SCAI: variants seen among roughly 807,000 people sequenced by gnomAD.
SCAI encodes the protein suppressor of cancer cell invasion.
Under a neutral mutation model 92.2 loss-of-function variants are expected in SCAI, and 24 were observed. That is an observed-to-expected ratio of 0.26 (90% CI 0.19 to 0.37). SCAI has a LOEUF of 0.37. Ranked by LOEUF, SCAI falls within the 10% of genes least tolerant of loss-of-function variation. The probability of loss-of-function intolerance (pLI) is 1.00; values close to 1 mark genes in which losing one functional copy is unlikely to be tolerated. For synonymous variants in SCAI, 261 were observed against 258.6 expected, an observed-to-expected ratio of 1.01 and a Z score of -0.09; for missense variants, 450 against 736.2, an observed-to-expected ratio of 0.61 and a Z score of 4.50.
intron 2 of SCAI, among the ~76,000 whole-genome samples, chr9:125,126,896 G>A (rs753414949): frequency 6.6e-6 from 1 of 152,178 alleles, no homozygotes; most frequent in Admixed American, 6.5e-5. Flanking sequence ...TCCCCAAGAT[G>A]ATAGTCCTAT....
chr9:125,124,249 GGAGA>G (rs895908479), intron 2 of SCAI, among the ~76,000 whole-genome samples: 2 of 152,124 alleles, frequency 1.3e-5, no homozygotes, highest in African/African-American at 4.8e-5. Context: ...AGAATCAACA[GGAGA>G]GAGACAGAGG....
At chr9:125,124,422 A>C (rs1415691941) in intron 2 of SCAI, among the ~76,000 whole-genome samples, 6 of 152,206 alleles carry the variant, frequency 3.9e-5, no homozygotes, top group African/African-American at 1.4e-4. Flanking sequence ...TCCAAGTCTA[A>C]AGGCCTGAGA....
chr9:124,972,576 C>A (rs1206982844), intron 15 of SCAI, among the ~76,000 whole-genome samples: 1 of 152,190 alleles, frequency 6.6e-6, no homozygotes, highest in African/African-American at 2.4e-5. Flanking sequence ...ATGACTCACA[C>A]TCTTACTTCT....
intron 3 of SCAI, among the ~76,000 whole-genome samples, chr9:125,032,064 A>G (rs1355293706): frequency 6.6e-6 from 1 of 151,548 alleles, no homozygotes; most frequent in Non-Finnish European, 1.5e-5. Context: ...CACTATTTTC[A>G]ATTAAGAAAA....
At chr9:125,073,092 A>ATTTTTTTTTTTTTTTTTTTTTTT (rs764858681) in intron 2 of SCAI, among the ~76,000 whole-genome samples, 2 of 72,448 alleles carry the variant, frequency 2.8e-5, no homozygotes, top group African/African-American at 5.4e-5. Flanking sequence ...TCTATTTTTA[A>ATTTTTTTTTTTTTTTTTTTTTTT]TTTTTTTTTT....
At chr9:125,097,343 G>C (rs2131206768) in intron 2 of SCAI, among the ~76,000 whole-genome samples, 1 of 152,208 alleles carries the variant, frequency 6.6e-6, no homozygotes, top group East Asian at 1.9e-4. Flanking sequence ...TGAGACAGGA[G>C]AATTGCTTGA....
rs185033255 is a variant in SCAI, at chr9:125,024,570, C to T, written c.512+2242G>A. On this transcript the variant is annotated intron_variant, in intron 6 of 17. Coordinates refer to ENST00000336505, the MANE Select transcript of SCAI (RefSeq NM_001144877.3). ...GATTATAGGTGTGAGCCACTGTACC[C>T]GGCCATTTTTTTTAAGCTCTTAACA... Among the ~76,000 whole-genome samples the T allele has an allele frequency of 8.4e-3, 1,280 of 152,210 alleles. 7 individuals carry two copies. Among genetic ancestry groups the T allele is most frequent in the Middle Eastern group, 0.024 (7 of 294 alleles).
intron 3 of SCAI, among the ~76,000 whole-genome samples, chr9:125,053,322 A>G (rs1349559806): frequency 6.6e-6 from 1 of 152,172 alleles, no homozygotes; most frequent in East Asian, 1.9e-4. Flanking sequence ...CGACAAGAGC[A>G]ACACTCTGTC....
chr9:125,018,078 A>G (rs1219634198), intron 9 of SCAI, among the ~76,000 whole-genome samples: 2 of 151,968 alleles, frequency 1.3e-5, no homozygotes, highest in Non-Finnish European at 2.9e-5. Context: ...TAGGACATAT[A>G]CATTTTGGAA....
intron 9 of SCAI, among the ~76,000 whole-genome samples, chr9:125,004,752 TATA>T (rs1832444861): frequency 1.3e-4 from 2 of 15,188 alleles, no homozygotes; most frequent in Non-Finnish European, 2.4e-4. Context: ...TATATATATA[TATA>T]TATATATATA....
intron 3 of SCAI, among the ~76,000 whole-genome samples, chr9:125,039,400 A>G (rs138613361): frequency 0.17 from 25,110 of 150,062 alleles, 2,174 homozygotes; most frequent in East Asian, 0.23. Context: ...AAAAAAAAAA[A>G]AAAAGAAAAG....
At chr9:125,086,226 A>C (rs1411436011) in intron 2 of SCAI, among the ~76,000 whole-genome samples, 1 of 152,182 alleles carries the variant, frequency 6.6e-6, no homozygotes, top group Non-Finnish European at 1.5e-5. Context: ...CCTCTTACTT[A>C]AAGCACCTTA....
chr9:125,115,187 A>C (rs1362243344), intron 2 of SCAI, among the ~76,000 whole-genome samples: 1 of 151,880 alleles, frequency 6.6e-6, no homozygotes, highest in Non-Finnish European at 1.5e-5. Flanking sequence ...CCTGGCTAAC[A>C]CGATGAAACC....
At chr9:124,963,757 CAAAAA>C (rs36017738) in intron 17 of SCAI, among the ~76,000 whole-genome samples, 3 of 52,286 alleles carry the variant, frequency 5.7e-5, no homozygotes, top group Non-Finnish European at 9.8e-5. Context: ...GAATCTGTCT[CAAAAA>C]AAAAAAAAAA....
At position 124,976,181 on chromosome 9, in the gene SCAI, G is replaced by A; in HGVS notation, c.1332C>T (p.Phe444=). 1 of 1,601,940 alleles carries A rather than the reference G, an allele frequency of 6.2e-7. No homozygotes were observed. Among genetic ancestry groups the A allele is most frequent in the Non-Finnish European group, 8.6e-7 (1 of 1,169,100 alleles). Residue 444 remains phenylalanine, a synonymous_variant, in exon 15 of 18, where the codon TTC becomes TTT. Transcript: ENST00000336505. Reference sequence around the variant, plus strand: ...CTAGTGGCTGTCCAAACAAGTTTGTGAAATTCTGTAATATATAAGAATTTA... The same window carrying A: ...CTAGTGGCTGTCCAAACAAGTTTGTAAAATTCTGTAATATATAAGAATTTA... ...DSSNSVAYKN[F]TNLFGQPLVC...
At chr9:125,096,192 G>A (rs1045644144) in intron 2 of SCAI, among the ~76,000 whole-genome samples, 3 of 152,186 alleles carry the variant, frequency 2.0e-5, no homozygotes, top group Non-Finnish European at 4.4e-5. Context: ...AGAAGGCAAG[G>A]AGGAGCAAGT....
At chr9:125,055,844 A>G (rs770618368) in intron 3 of SCAI, 32 bp downstream of exon 3, 51 of 1,557,112 alleles carry the variant, frequency 3.3e-5, no homozygotes, top group Non-Finnish European at 4.3e-5. Flanking sequence ...GCAGAACTAA[A>G]GAAAAGTTCA....
intron 2 of SCAI, among the ~76,000 whole-genome samples, chr9:125,105,356 C>T (rs776629238): frequency 1.3e-5 from 2 of 152,220 alleles, no homozygotes; most frequent in Non-Finnish European, 2.9e-5. Context: ...AGGAAAGATT[C>T]TATTTCTCCA....
At chr9:125,061,957 T>G (rs1344038691) in intron 2 of SCAI, among the ~76,000 whole-genome samples, 2 of 152,098 alleles carry the variant, frequency 1.3e-5, no homozygotes, top group African/African-American at 4.8e-5. Flanking sequence ...ATTGACATTA[T>G]AAAATGAAGA....
Sources: allele counts gnomAD v4.1 joint callset (sites outside exome capture counted in the v4.1 genomes callset), GRCh38; gene constraint gnomAD v4.1.1; transcripts MANE v1.5; gene names NCBI Gene and HGNC (gene_info 2026-07-23, HGNC 2026-07-21).